DDX21: variants seen among roughly 807,000 people sequenced by gnomAD.
The protein encoded by DDX21 is nucleolar RNA helicase 2.
Under a neutral mutation model 90.0 loss-of-function variants are expected in DDX21, and 18 were observed. That is an observed-to-expected ratio of 0.20 (90% CI 0.14 to 0.30). The LOEUF is 0.30. Among genes scored for constraint, DDX21 ranks in the 10% least tolerant of loss-of-function variants. DDX21 has a pLI of 1.00. For synonymous variants in DDX21, 294 were observed against 318.0 expected (o/e 0.92, Z 0.80); for missense variants, 673 against 944.5 (o/e 0.71, Z 3.77).
At chr10:68,968,174 CT>C in intron 6 of DDX21, among the ~76,000 whole-genome samples, 1 of 152,008 alleles carries the variant, frequency 6.6e-6, no homozygotes, top group Non-Finnish European at 1.5e-5. Context: ...CGCGGCCGCC[CT>C]TTTTTTATTT....
chr10:68,965,431 A>C lies in DDX21; in HGVS notation c.841A>C (p.Ser281Arg). ...GGCAAATCAAGTAAGCAAAGACTTCAGTGACATCACAAAAAAGCTGTCAGT... is the reference window on the plus strand; with the variant it reads ...GGCAAATCAAGTAAGCAAAGACTTCCGTGACATCACAAAAAAGCTGTCAGT... ...ELANQVSKDF[S>R]DITKKLSVAC... The change falls in exon 5 of 15, where the codon AGT becomes CGT. Residue 281 changes from serine (S) to arginine (R), a missense_variant. Transcript: ENST00000354185. 1 of 1,614,048 alleles carries C rather than the reference A, an allele frequency of 6.2e-7. No individual in the cohort carries two copies. Among genetic ancestry groups the C allele is most frequent in the South Asian group, 1.1e-5 (1 of 91,088 alleles).
chr10:68,981,640 GA>G lies in DDX21; in HGVS notation c.2082+63del. 3 of 1,327,960 alleles carry G rather than the reference GA, an allele frequency of 2.3e-6. No individual in the cohort carries two copies. The South Asian group carries it at 3.6e-5, about 16-fold the overall frequency. 82.3% of individuals were successfully genotyped at this position (1,327,960 alleles called of 1,614,324 possible). On this transcript the variant is annotated intron_variant, in intron 14 of 14. Transcript: ENST00000354185. Reference sequence around the variant, plus strand: ...ACCTAAATTGTAGAATGTTAATTATGAAAATAGAGAATAATAGATTGGGAAA... The same window carrying G: ...ACCTAAATTGTAGAATGTTAATTATGAAATAGAGAATAATAGATTGGGAAA...
Position 68,973,640 on chromosome 10 carries a change from G to A in DDX21, c.1644G>A (p.Gln548=). The A allele has an allele frequency of 6.2e-7, 1 of 1,614,138 alleles. No individual in the cohort carries two copies. Among genetic ancestry groups the A allele is most frequent in the Non-Finnish European group, 8.5e-7 (1 of 1,179,978 alleles). The change falls in exon 10 of 15, where the codon CAG becomes CAA. Residue 548 remains glutamine, a synonymous_variant. Transcript: ENST00000354185. ...ICFYQHKEEY[Q]LVQVEQKAGI... is the part of the protein sequence containing the mutation. ...TTTATCAGCACAAGGAAGAATATCA[G>A]TTAGTACAAGTGGAGCAAAAAGCGG... is the stretch of plus-strand genomic sequence containing the variant.
chr10:68,982,831 T>C lies in DDX21; in HGVS notation c.*19T>C. The C allele has an allele frequency of 6.2e-7, 1 of 1,611,770 alleles. No individual in the cohort carries two copies. Among genetic ancestry groups the C allele is most frequent in the Non-Finnish European group, 8.5e-7 (1 of 1,178,774 alleles). Reference sequence around the variant, plus strand: ...TCAATAATTAGAAATAGAAGATTTATATAGCAAAAAGAGAATGATGTTTGG... The same window carrying C: ...TCAATAATTAGAAATAGAAGATTTACATAGCAAAAAGAGAATGATGTTTGG... On this transcript the variant is annotated 3_prime_UTR_variant, in exon 15 of 15. Transcript: ENST00000354185.
intron 14 of DDX21, 57 bp downstream of exon 14, chr10:68,981,638 A>T: frequency 3.7e-6 from 5 of 1,340,654 alleles, no homozygotes; most frequent in Non-Finnish European, 5.3e-6. Context: ...AATGTTAATT[A>T]TGAAAATAGA....
chr10:68,956,636 G>C (rs770400499), intron 1 of DDX21: 2 of 1,189,656 alleles, frequency 1.7e-6, no homozygotes, highest in Non-Finnish European at 2.1e-6. Context: ...CCGGCGACTT[G>C]GGCGCGCCTC....
Position 68,984,307 on chromosome 10 carries a change from T to C in DDX21, c.*1495T>C, listed in dbSNP as rs888742304. The C allele has an allele frequency of 2.0e-5, 3 of 152,210 alleles. No individual in the cohort carries two copies. Among genetic ancestry groups the C allele is most frequent in the Admixed American group, 6.5e-5 (1 of 15,276 alleles). The allele number at this position is 152,210 out of a possible 1,614,324, so 9.4% of individuals were successfully genotyped here. Reference sequence around the variant, plus strand: ...AGTCTTTATCTCTAACTGCCCCTTATTTGATCACCATGTACTAGGAGCTCT... The same window carrying C: ...AGTCTTTATCTCTAACTGCCCCTTACTTGATCACCATGTACTAGGAGCTCT... On this transcript the variant is annotated 3_prime_UTR_variant, in exon 15 of 15. Coordinates refer to ENST00000354185, the MANE Select transcript of DDX21 (RefSeq NM_004728.4).
intron 1 of DDX21, among the ~76,000 whole-genome samples, chr10:68,958,690 G>T (rs1842833514): frequency 1.3e-5 from 2 of 152,068 alleles, no homozygotes; most frequent in Admixed American, 1.3e-4. Context: ...GCCCTCCTTG[G>T]CCTCCCAAAG....
chr10:68,967,497 A>G (rs1195628995), intron 6 of DDX21, among the ~76,000 whole-genome samples: 1 of 152,102 alleles, frequency 6.6e-6, no homozygotes, highest in Non-Finnish European at 1.5e-5. Flanking sequence ...CTAAGAGATT[A>G]ATAAAGCCTT....
At chr10:68,977,802 T>C in intron 12 of DDX21, 114 bp downstream of exon 12, 1 of 1,161,110 alleles carries the variant, frequency 8.6e-7, no homozygotes, top group South Asian at 2.0e-5. Context: ...GTTAGTAAAG[T>C]ATTAATTGTA....
At chr10:68,975,046 C>G (rs763195639) in intron 11 of DDX21, among the ~76,000 whole-genome samples, 1 of 152,180 alleles carries the variant, frequency 6.6e-6, no homozygotes, top group Non-Finnish European at 1.5e-5. Context: ...TGGATACCCT[C>G]GTTTCTACTC....
chr10:68,977,655 C>T lies in DDX21; in HGVS notation c.1869C>T (p.Ser623=), dbSNP rs751106704. Residue 623 remains serine, a synonymous_variant, in exon 12 of 15, where the codon TCC becomes TCT. Coordinates refer to ENST00000354185, the MANE Select transcript of DDX21 (RefSeq NM_004728.4). Reference sequence around the variant, plus strand: ...TGGCCCATATTTCAGGTGCCACGTCCGTAGACCAGCGCTCCTTGATCAACT... The same window carrying T: ...TGGCCCATATTTCAGGTGCCACGTCTGTAGACCAGCGCTCCTTGATCAACT... ...AALAHISGAT[S]VDQRSLINSN... is the part of the protein sequence containing the mutation. 6.2e-6 allele frequency: 10 copies of T among 1,613,136 alleles called. No individual in the cohort carries two copies. Among genetic ancestry groups the T allele is most frequent in the South Asian group, 3.3e-5 (3 of 90,996 alleles).
Position 68,974,675 on chromosome 10 carries a change from T to C in DDX21, c.1674T>C (p.Ile558=). Residue 558 remains isoleucine, a synonymous_variant, in exon 11 of 15, where the codon ATT becomes ATC. Transcript: ENST00000354185. ...QLVQVEQKAG[I]KFKRIGVPSA... is the part of the protein sequence containing the mutation. ...TGTGGTTCATTTTCCTGTAGGGAAT[T>C]AAGTTCAAACGAATAGGTGTTCCTT... The C allele has an allele frequency of 6.2e-7, 1 of 1,613,902 alleles. No homozygotes were observed. Among genetic ancestry groups the C allele is most frequent in the Non-Finnish European group, 8.5e-7 (1 of 1,179,862 alleles).
At chr10:68,956,575 T>A in intron 1 of DDX21, 2 of 1,296,094 alleles carry the variant, frequency 1.5e-6, no homozygotes, top group Non-Finnish European at 2.0e-6. Context: ...GGAACTCTGG[T>A]AGAGAGGCCC....
intron 1 of DDX21, among the ~76,000 whole-genome samples, chr10:68,959,314 G>A (rs1022322888): frequency 5.9e-5 from 9 of 152,022 alleles, no homozygotes; most frequent in African/African-American, 2.2e-4. Flanking sequence ...GGCAACATGG[G>A]AAAACCCCAC....
At chr10:68,964,723 G>A (rs1192349833) in intron 4 of DDX21, among the ~76,000 whole-genome samples, 1 of 146,052 alleles carries the variant, frequency 6.8e-6, no homozygotes, top group Non-Finnish European at 1.5e-5. Flanking sequence ...GAGTGCGGTG[G>A]TGCAATCTTA....
In DDX21 at chr10:68,983,036, G is replaced by GT; in HGVS notation, c.*225dup. On this transcript the variant is annotated 3_prime_UTR_variant, in exon 15 of 15. Coordinates refer to ENST00000354185, the MANE Select transcript of DDX21 (RefSeq NM_004728.4). ...CTTCATCAGTTTTTCCTTTTGAAAG[G>GT]TGTATGAATTCATTACATTTTTATT... 1.6e-6 allele frequency: 1 copy of GT among 612,948 alleles called. No individual in the cohort carries two copies. 38.0% of individuals were successfully genotyped at this position (612,948 alleles called of 1,614,324 possible).
Position 68,974,657 on chromosome 10 carries a change from C to T in DDX21, c.1669-13C>T, listed in dbSNP as rs1311171187. On this transcript the variant is annotated splice_polypyrimidine_tract_variant and intron_variant, in intron 10 of 14. Coordinates refer to ENST00000354185, the MANE Select transcript of DDX21 (RefSeq NM_004728.4). ...GGCCACTGTACATTAAACTGTGGTT[C>T]ATTTTCCTGTAGGGAATTAAGTTCA... is the stretch of plus-strand genomic sequence containing the variant. 4.3e-6 allele frequency: 7 copies of T among 1,612,360 alleles called. No homozygotes were observed. Among genetic ancestry groups the T allele is most frequent in the Non-Finnish European group, 5.9e-6 (7 of 1,178,842 alleles).
chr10:68,974,132 G>A (rs914033117), intron 10 of DDX21, among the ~76,000 whole-genome samples: 2 of 152,200 alleles, frequency 1.3e-5, no homozygotes, highest in Non-Finnish European at 2.9e-5. Flanking sequence ...TGGGGAGTGA[G>A]GACTTTACCG....
Sources: allele counts gnomAD v4.1 joint callset (sites outside exome capture counted in the v4.1 genomes callset), GRCh38; gene constraint gnomAD v4.1.1; transcripts MANE v1.5; gene names NCBI Gene and HGNC (gene_info 2026-07-23, HGNC 2026-07-21).